CCDC144A: variants seen among roughly 807,000 people sequenced by gnomAD.
CCDC144A encodes the protein coiled-coil domain containing 144A, also known as coiled-coil domain-containing protein 144A.
In CCDC144A, 41 loss-of-function variants were observed where a neutral mutation model predicts 143.8. The ratio of observed to expected loss-of-function variants is 0.29; its 90% CI spans 0.22 to 0.37. CCDC144A has a LOEUF of 0.37. Among genes scored for constraint, CCDC144A ranks in the 10% least tolerant of loss-of-function variants. The probability of loss-of-function intolerance (pLI) is 1.00; values close to 1 mark genes in which losing one functional copy is unlikely to be tolerated. For synonymous variants in CCDC144A, 242 were observed against 517.9 expected, an observed-to-expected ratio of 0.47 and a Z score of 7.23; for missense variants, 637 against 1,488.8, an observed-to-expected ratio of 0.43 and a Z score of 9.41.
At chr17:16,749,359 G>A (rs1332067384) in intron 12 of CCDC144A, among the ~76,000 whole-genome samples, 1 of 152,116 alleles carries the variant, frequency 6.6e-6, no homozygotes, top group Non-Finnish European at 1.5e-5. Flanking sequence ...AAGTCATTTA[G>A]GAGCCAGTTG....
chr17:16,684,936 T>C (rs1910727601), upstream of CCDC144A, among the ~76,000 whole-genome samples: 1 of 152,224 alleles, frequency 6.6e-6, no homozygotes, highest in Non-Finnish European at 1.5e-5. Context: ...CACTCTAGCC[T>C]GGGCGACAGA....
chr17:16,747,056 T>A (rs1310436077), intron 12 of CCDC144A, among the ~76,000 whole-genome samples: 2 of 152,078 alleles, frequency 1.3e-5, no homozygotes, highest in South Asian at 2.1e-4. Context: ...ATTTTAAGAA[T>A]GTAATTCAGC....
chr17:16,711,259 T>C (rs1912427399), intron 5 of CCDC144A, among the ~76,000 whole-genome samples: 1 of 151,826 alleles, frequency 6.6e-6, no homozygotes, highest in African/African-American at 2.4e-5. Flanking sequence ...ATCTGGCTGT[T>C]TAATATGAAA....
At chr17:16,761,398 C>G in intron 12 of CCDC144A, 27 bp from the exon 13 acceptor site, 1 of 1,583,344 alleles carries the variant, frequency 6.3e-7, no homozygotes, top group South Asian at 1.1e-5. Flanking sequence ...TTCTTCATTA[C>G]AAAACTATAT....
At chr17:16,745,962 C>T (rs1431921974) in intron 12 of CCDC144A, 5 of 1,607,228 alleles carry the variant, frequency 3.1e-6, no homozygotes, top group Non-Finnish European at 4.2e-6. Context: ...TCTGTGCCTC[C>T]TGCCGTCATC....
At chr17:16,769,110 G>A (rs1380169790) in intron 15 of CCDC144A, among the ~76,000 whole-genome samples, 1 of 152,056 alleles carries the variant, frequency 6.6e-6, no homozygotes, top group East Asian at 1.9e-4. Context: ...AGTTTTAAGT[G>A]GAGAAAACAA....
At chr17:16,667,329 AGGCTGAGGC>A in the CCDC144A span, among the ~76,000 whole-genome samples, 6 of 107,864 alleles carry the variant, frequency 5.6e-5, no homozygotes, top group African/African-American at 1.7e-4. Context: ...GAGGCTGAGG[AGGCTGAGGC>A]GGCTGAGGAG....
chr17:16,686,072 G>C (rs1022804397), upstream of CCDC144A, among the ~76,000 whole-genome samples: 1 of 149,192 alleles, frequency 6.7e-6, no homozygotes, highest in African/African-American at 2.5e-5. Context: ...ATGAGCCACC[G>C]AGCCCGGCTG....
Position 16,708,792 on chromosome 17 carries a change from G to T in CCDC144A, c.739-4G>T. ...AAATTAATCTTCCACTTTTGCATCTGCAGAAAACGTCTCAAGAACCAGAAA... is the reference window on the plus strand; with the variant it reads ...AAATTAATCTTCCACTTTTGCATCTTCAGAAAACGTCTCAAGAACCAGAAA... On this transcript the variant is annotated splice_polypyrimidine_tract_variant and splice_region_variant and intron_variant, in intron 4 of 16. Transcript: ENST00000399273. 1 of 1,611,624 alleles carries T rather than the reference G, an allele frequency of 6.2e-7. No homozygotes were observed. The highest frequency in any genetic ancestry group is 8.5e-7 in the Non-Finnish European group (1 of 1,179,696).
At chr17:16,724,792 T>TTTTG (rs1913302129) in intron 8 of CCDC144A, among the ~76,000 whole-genome samples, 1 of 77,014 alleles carries the variant, frequency 1.3e-5, no homozygotes, top group African/African-American at 5.7e-5. Flanking sequence ...ACTGAATTTT[T>TTTTG]TTTTTTTTTT....
chr17:16,730,863 C>T (rs562629222), intron 9 of CCDC144A, among the ~76,000 whole-genome samples: 283 of 143,784 alleles, frequency 2.0e-3, no homozygotes, highest in Non-Finnish European at 2.7e-3. Flanking sequence ...GAGACTTTTA[C>T]TGATTTCATT....
the CCDC144A span, among the ~76,000 whole-genome samples, chr17:16,674,411 A>T: frequency 3.3e-4 from 50 of 152,220 alleles, no homozygotes; most frequent in African/African-American, 1.2e-3. Flanking sequence ...CACTTAAAAG[A>T]AACATTGGTT....
intron 6 of CCDC144A, among the ~76,000 whole-genome samples, chr17:16,714,149 T>C (rs908179941): frequency 1.9e-4 from 29 of 152,208 alleles, no homozygotes; most frequent in African/African-American, 6.5e-4. Flanking sequence ...TCTGTCATAG[T>C]CTGTTTTGCT....
intron 8 of CCDC144A, among the ~76,000 whole-genome samples, chr17:16,723,524 C>T (rs1295122318): frequency 2.0e-5 from 3 of 152,134 alleles, no homozygotes; most frequent in Non-Finnish European, 4.4e-5. Context: ...TAACAAAATA[C>T]CATAGACTGG....
At chr17:16,694,869 G>C (rs1202174661) in intron 2 of CCDC144A, among the ~76,000 whole-genome samples, 7 of 152,222 alleles carry the variant, frequency 4.6e-5, no homozygotes, top group Non-Finnish European at 1.0e-4. Flanking sequence ...AAGATATGCT[G>C]TTACCATTAG....
At chr17:16,742,635 A>T (rs1270624790) in intron 12 of CCDC144A, among the ~76,000 whole-genome samples, 1 of 152,164 alleles carries the variant, frequency 6.6e-6, no homozygotes, top group African/African-American at 2.4e-5. Flanking sequence ...AGAAACTTCC[A>T]TGGTTATACT....
chr17:16,717,950 A>G (rs934709804), intron 6 of CCDC144A, among the ~76,000 whole-genome samples: 5 of 152,258 alleles, frequency 3.3e-5, no homozygotes, highest in African/African-American at 1.2e-4. Context: ...AAGGTAATTT[A>G]GTAACTTGTG....
intron 15 of CCDC144A, among the ~76,000 whole-genome samples, chr17:16,770,504 A>G (rs1915785829): frequency 6.6e-6 from 1 of 152,122 alleles, no homozygotes; most frequent in Non-Finnish European, 1.5e-5. Flanking sequence ...AGGTGCTGGC[A>G]TAGAATAACT....
intron 11 of CCDC144A, among the ~76,000 whole-genome samples, chr17:16,733,697 A>G (rs1395159060): frequency 6.6e-6 from 1 of 151,450 alleles, no homozygotes; most frequent in South Asian, 2.1e-4. Flanking sequence ...TTATATTTAT[A>G]TATACACAAC....
Sources: gnomAD v4.1 joint callset for allele counts (sites outside exome capture counted in the v4.1 genomes callset) on GRCh38, gnomAD v4.1.1 for gene constraint, MANE v1.5 for transcripts, NCBI Gene and HGNC (gene_info 2026-07-23, HGNC 2026-07-21) for gene names.